XIRP2: variants seen among roughly 807,000 people sequenced by gnomAD.
XIRP2 encodes the protein xin actin-binding repeat-containing protein 2.
In XIRP2, 236 loss-of-function variants were observed where a neutral mutation model predicts 277.0. The ratio of observed to expected loss-of-function variants is 0.85; its 90% CI spans 0.77 to 0.95. The LOEUF is 0.95. Among genes scored for constraint, XIRP2 ranks in the 40% least tolerant of loss-of-function variants. The pLI is 0.00. For synonymous variants in XIRP2, 1,490 were observed against 1,416.5 expected (o/e 1.05, Z -1.17); for missense variants, 4,640 against 4,157.5 (o/e 1.12, Z -3.19).
intron 3 of XIRP2, among the ~76,000 whole-genome samples, chr2:167,189,466 TTTTA>T (rs763061139): frequency 3.9e-5 from 6 of 152,242 alleles, no homozygotes; most frequent in Non-Finnish European, 8.8e-5. Context: ...ATATTGTCTT[TTTTA>T]TTTGTTTCCC....
At chr2:167,111,499 C>A (rs555527284) in intron 2 of XIRP2, among the ~76,000 whole-genome samples, 5 of 152,256 alleles carry the variant, frequency 3.3e-5, no homozygotes, top group African/African-American at 1.2e-4. Flanking sequence ...TGTGTTGAAC[C>A]AACCTTATCT....
At chr2:167,028,010 G>T (rs563462739) in intron 2 of XIRP2, among the ~76,000 whole-genome samples, 5 of 152,058 alleles carry the variant, frequency 3.3e-5, no homozygotes, top group African/African-American at 1.2e-4. Context: ...CAACTCCTCT[G>T]GAAGGCCATT....
At chr2:167,223,103 T>C (rs927512264) in intron 5 of XIRP2, among the ~76,000 whole-genome samples, 16 of 152,192 alleles carry the variant, frequency 1.1e-4, no homozygotes, top group Non-Finnish European at 1.6e-4. Flanking sequence ...TTCATCTTCT[T>C]AAGTGAATTT....
chr2:167,226,083 A>G (rs778265180), intron 5 of XIRP2, among the ~76,000 whole-genome samples: 14 of 152,216 alleles, frequency 9.2e-5, no homozygotes, highest in Non-Finnish European at 1.9e-4. Flanking sequence ...TGACTATGCC[A>G]TACAGCAAAT....
intron 2 of XIRP2, among the ~76,000 whole-genome samples, chr2:167,134,091 TAAC>T (rs1691464885): frequency 6.6e-6 from 1 of 152,076 alleles, no homozygotes; most frequent in African/African-American, 2.4e-5. Context: ...GATTACCAGA[TAAC>T]AATATTTCTA....
At chr2:167,199,092 T>C (rs191621337) in intron 3 of XIRP2, among the ~76,000 whole-genome samples, 12 of 152,138 alleles carry the variant, frequency 7.9e-5, no homozygotes, top group African/African-American at 1.9e-4. Context: ...TTGGTGAGAG[T>C]TGGATTTGAT....
chr2:167,028,109 A>G (rs1028713116), intron 2 of XIRP2, among the ~76,000 whole-genome samples: 5 of 152,204 alleles, frequency 3.3e-5, no homozygotes, highest in African/African-American at 9.6e-5. Flanking sequence ...ATTCCAAGTA[A>G]TCTTATTTAA....
At chr2:166,915,530 A>G (rs1185338757) in intron 2 of XIRP2, among the ~76,000 whole-genome samples, 2 of 152,162 alleles carry the variant, frequency 1.3e-5, no homozygotes, top group African/African-American at 4.8e-5. Context: ...GTGAAAGTTC[A>G]TCCTTCTTCT....
chr2:167,031,774 C>T (rs1688356833), intron 2 of XIRP2, among the ~76,000 whole-genome samples: 2 of 152,002 alleles, frequency 1.3e-5, no homozygotes, highest in Non-Finnish European at 2.9e-5. Flanking sequence ...TCCAGGAGAA[C>T]TAGAAACCAC....
Position 167,251,487 on chromosome 2 carries a change from AC to A in XIRP2, c.10096del (p.Gln3366LysfsTer13), listed in dbSNP as rs1002266459. On this transcript the variant is annotated frameshift_variant, in exon 9 of 11. Transcript: ENST00000409195. LOFTEE classifies it high-confidence loss of function. ...AKGETNHNIQ[Q>X]ESRTFCKEEF... is the part of the protein sequence containing the mutation. ...AGGGAGAAACAAACCATAACATACA[AC>A]AAGAAAGTCGTACATTTTGTAAGGA... 4 of 1,613,432 alleles carry A rather than the reference AC, an allele frequency of 2.5e-6. No individual in the cohort carries two copies. In the African/African-American group the frequency reaches 5.3e-5, roughly 22 times the overall value.
Position 167,247,722 on chromosome 2 carries a change from C to A in XIRP2, c.6330C>A (p.Val2110=), listed in dbSNP as rs1695323676. 4.3e-6 allele frequency: 7 copies of A among 1,613,590 alleles called. No individual in the cohort carries two copies. The highest frequency in any genetic ancestry group is 5.1e-6 in the Non-Finnish European group (6 of 1,179,740). The change falls in exon 9 of 11, where the codon GTC becomes GTA. Residue 2110 remains valine, a synonymous_variant. Coordinates refer to ENST00000409195, the MANE Select transcript of XIRP2 (RefSeq NM_152381.6). The part of the protein sequence containing the change: ...RAVRELKKDD[V]FNSIQSAGKT... Reference sequence around the variant, plus strand: ...TGAGAGAGCTGAAGAAGGATGATGTCTTTAATTCCATCCAATCTGCTGGTA... The same window carrying A: ...TGAGAGAGCTGAAGAAGGATGATGTATTTAATTCCATCCAATCTGCTGGTA...
At chr2:167,086,081 C>T (rs1041050974) in intron 2 of XIRP2, among the ~76,000 whole-genome samples, 12 of 151,944 alleles carry the variant, frequency 7.9e-5, no homozygotes, top group East Asian at 1.9e-4. Context: ...CAGCTGGTAC[C>T]GGTTGTTCCT....
At chr2:167,076,781 T>A (rs959928766) in intron 2 of XIRP2, among the ~76,000 whole-genome samples, 6 of 152,142 alleles carry the variant, frequency 3.9e-5, no homozygotes, top group African/African-American at 1.4e-4. Context: ...AAATGTATTT[T>A]CATGTTAAGG....
At chr2:167,108,307 A>C (rs905977104) in intron 2 of XIRP2, among the ~76,000 whole-genome samples, 3 of 151,138 alleles carry the variant, frequency 2.0e-5, no homozygotes, top group African/African-American at 7.3e-5. Context: ...TTTTTGTTTC[A>C]TTGTTAATCT....
At chr2:167,153,708 T>C (rs1692091314) in intron 3 of XIRP2, among the ~76,000 whole-genome samples, 1 of 151,972 alleles carries the variant, frequency 6.6e-6, no homozygotes, top group East Asian at 1.9e-4. Flanking sequence ...GATTTCCAAT[T>C]TCATCCATGT....
At chr2:167,081,946 C>CTTT (rs398104948) in intron 2 of XIRP2, among the ~76,000 whole-genome samples, 30 of 146,616 alleles carry the variant, frequency 2.0e-4, no homozygotes, top group African/African-American at 5.8e-4. Context: ...CATGTATTTT[C>CTTT]TTTTTTTTTA....
chr2:167,010,646 T>A (rs924548249), intron 2 of XIRP2, among the ~76,000 whole-genome samples: 1 of 152,182 alleles, frequency 6.6e-6, no homozygotes, highest in African/African-American at 2.4e-5. Flanking sequence ...ATTGAATCTA[T>A]AAATTACCTT....
At chr2:167,233,941 T>A (rs1403899665) in intron 5 of XIRP2, among the ~76,000 whole-genome samples, 1 of 151,700 alleles carries the variant, frequency 6.6e-6, no homozygotes, top group Non-Finnish European at 1.5e-5. Flanking sequence ...TAAGCTGCAT[T>A]TTTAGTTTGT....
At chr2:167,045,467 A>G (rs964547036) in intron 2 of XIRP2, among the ~76,000 whole-genome samples, 3 of 152,120 alleles carry the variant, frequency 2.0e-5, no homozygotes, top group African/African-American at 4.8e-5. Context: ...TAAACAGACA[A>G]CCTATTGAAT....
Sources: gnomAD v4.1 joint callset for allele counts (sites outside exome capture counted in the v4.1 genomes callset) on GRCh38, gnomAD v4.1.1 for gene constraint, MANE v1.5 for transcripts, NCBI Gene and HGNC (gene_info 2026-07-23, HGNC 2026-07-21) for gene names.